Variants in PLXNA1 observed in about 807,000 individuals in gnomAD.
PLXNA1 encodes plexin A1.
Under a neutral mutation model 191.7 loss-of-function variants are expected in PLXNA1, and 77 were observed. The ratio of observed to expected loss-of-function variants is 0.40; its 90% CI spans 0.33 to 0.49. The LOEUF (loss-of-function observed/expected upper bound fraction) is 0.49, where lower values mean the gene tolerates loss of function less well. PLXNA1 is among the 20% of genes least tolerant of loss of function. PLXNA1 has a pLI of 0.63. For synonymous variants in PLXNA1, 1,137 were observed against 1,156.4 expected, an observed-to-expected ratio of 0.98 and a Z score of 0.34; for missense variants, 2,110 against 2,660.2, an observed-to-expected ratio of 0.79 and a Z score of 4.55.
At position 127,030,954 on chromosome 3, in the gene PLXNA1, A is replaced by G. The variant is rs147232712; in HGVS notation, c.5231+542A>G. 6.1e-4 allele frequency among the ~76,000 whole-genome samples: 93 copies of G among 152,266 alleles called. No individual in the cohort carries two copies. The East Asian group carries it at 0.018, about 29-fold the overall frequency. On this transcript the variant is annotated intron_variant, in intron 29 of 31. Transcript: ENST00000393409. ...CCCAGCCTGCACCGTGCACAGCTAC[A>G]CCAATGTGAGCTGGGGCTCTATGAG...
At chr3:127,013,931 G>A in intron 10 of PLXNA1, 89 bp from the exon 11 acceptor site, 2 of 1,186,040 alleles carry the variant, frequency 1.7e-6, no homozygotes, top group South Asian at 2.4e-5. Context: ...TTCCCCCTAA[G>A]CTGGCGCCCT....
intron 3 of PLXNA1, 117 bp from the exon 4 acceptor site, chr3:127,003,213 C>T: frequency 1.7e-6 from 2 of 1,186,508 alleles, no homozygotes; most frequent in East Asian, 2.6e-5. Context: ...GTCCTCTCTG[C>T]TCATGCATGT....
chr3:127,014,954 TG>T, intron 14 of PLXNA1, 123 bp downstream of exon 14: 1 of 1,456,986 alleles, frequency 6.9e-7, no homozygotes. Flanking sequence ...TTCCACGGCC[TG>T]GGTGCTGCCC....
chr3:127,027,196 T>C, intron 23 of PLXNA1: 1 of 192,540 alleles, frequency 5.2e-6, no homozygotes, highest in Non-Finnish European at 1.1e-5. Flanking sequence ...AATTTCTGGT[T>C]GTAGAGGCAG....
chr3:127,029,622 C>G, intron 27 of PLXNA1, 86 bp downstream of exon 27: 2 of 1,425,806 alleles, frequency 1.4e-6, no homozygotes, highest in South Asian at 2.3e-5. Context: ...GCTGCAGCAG[C>G]CGGACGGGAG....
At chr3:126,988,452 C>T (rs2078971802) in intron 1 of PLXNA1, 69 bp from the exon 2 acceptor site, 1 of 801,088 alleles carries the variant, frequency 1.2e-6, no homozygotes, top group Non-Finnish European at 1.9e-6. Flanking sequence ...AGGGCTCACA[C>T]TGGGAGATCA....
At chr3:127,015,144 G>T in intron 14 of PLXNA1, 40 bp from the exon 15 acceptor site, 2 of 1,587,442 alleles carry the variant, frequency 1.3e-6, no homozygotes, top group South Asian at 1.1e-5. Context: ...GCCCGAGGGG[G>T]ACTTTCCTGA....
intron 17 of PLXNA1, 129 bp downstream of exon 17, chr3:127,017,166 T>A: frequency 9.7e-7 from 1 of 1,034,400 alleles, no homozygotes; most frequent in Non-Finnish European, 1.4e-6. Flanking sequence ...CAACCTTGGC[T>A]GTGCCTGGAG....
chr3:126,991,390 C>G lies in PLXNA1; in HGVS notation c.1201C>G (p.Gln401Glu). 6.2e-7 allele frequency: 1 copy of G among 1,612,650 alleles called. No individual in the cohort carries two copies. Among genetic ancestry groups the G allele is most frequent in the Non-Finnish European group, 8.5e-7 (1 of 1,179,840 alleles). ...KELGCINSPLQIDDDFCGQDF... is the reference protein window; with the variant it reads ...KELGCINSPLEIDDDFCGQDF... ...ACCCTGCCCCTTCCCACAGCCCCTG[C>G]AGATCGATGACGACTTCTGCGGGCA... The change falls in exon 3 of 32, where the codon CAG becomes GAG. Residue 401 changes from glutamine (Q) to glutamate (E), a missense_variant. By Grantham distance (29) the Gln-to-Glu change is conservative. This residue lies in a region of PLXNA1 where 903 missense variants were observed against 1,015.7 expected (regional missense o/e 0.89). Transcript: ENST00000393409.
intron 23 of PLXNA1, chr3:127,026,979 C>G (rs2079179492): frequency 6.5e-6 from 1 of 154,446 alleles, no homozygotes; most frequent in African/African-American, 2.4e-5. Context: ...TCAGCCAGTG[C>G]TAGCAGTAGG....
intron 9 of PLXNA1, among the ~76,000 whole-genome samples, chr3:127,009,607 G>C (rs367785993): frequency 7.4e-6 from 1 of 135,186 alleles, no homozygotes; most frequent in African/African-American, 2.8e-5. Flanking sequence ...TGGGTTCCTC[G>C]GGCCACCCCC....
intron 20 of PLXNA1, among the ~76,000 whole-genome samples, chr3:127,018,775 T>C (rs551138997): frequency 6.6e-6 from 1 of 152,330 alleles, no homozygotes; most frequent in Admixed American, 6.5e-5. Flanking sequence ...CCAGACTGTT[T>C]GCATTTGTAT....
In PLXNA1 at chr3:127,032,622, G is replaced by A. The variant is rs368747801; in HGVS notation, c.5444+23G>A. The A allele has an allele frequency of 9.6e-5, 155 of 1,610,298 alleles. 1 individual carries two copies. Among genetic ancestry groups the A allele is most frequent in the East Asian group, 3.8e-4 (17 of 44,818 alleles). ...GAGGTAGGTGGAGGGTGCAGGGGTC[G>A]GGGGCAGGGGCCCGGGGGCAGCCTG... On this transcript the variant is annotated intron_variant, in intron 30 of 31. Coordinates refer to ENST00000393409, the MANE Select transcript of PLXNA1 (RefSeq NM_032242.4).
intron 17 of PLXNA1, 118 bp downstream of exon 17, chr3:127,017,155 C>T: frequency 9.4e-7 from 1 of 1,067,258 alleles, no homozygotes; most frequent in Non-Finnish European, 1.4e-6. Flanking sequence ...CCAGCTTATG[C>T]CAACCTTGGC....
intron 14 of PLXNA1, 31 bp from the exon 15 acceptor site, chr3:127,015,153 G>A (rs764592016): frequency 2.5e-6 from 4 of 1,593,638 alleles, no homozygotes; most frequent in Middle Eastern, 3.3e-4. Flanking sequence ...GGACTTTCCT[G>A]AGAGTTTCAG....
chr3:126,989,984 C>T (rs1429848587), intron 2 of PLXNA1, among the ~76,000 whole-genome samples, 197 bp downstream of exon 2: 1 of 152,242 alleles, frequency 6.6e-6, no homozygotes, highest in East Asian at 1.9e-4. Flanking sequence ...GGTGCTAGCC[C>T]CAAAGGCTGC....
intron 25 of PLXNA1, 144 bp from the exon 26 acceptor site, chr3:127,028,849 G>A (rs1479756692): frequency 1.6e-6 from 1 of 627,748 alleles, no homozygotes; most frequent in African/African-American, 1.8e-5. Flanking sequence ...GGCAGGTTAA[G>A]TGTGCTGCAG....
rs574438166 is a variant in PLXNA1, at chr3:126,988,609, C to T, written c.16C>T (p.Arg6Trp). The change falls in exon 2 of 32, where the codon CGG (arginine) becomes TGG (tryptophan). Residue 6 changes from arginine to tryptophan, a missense_variant. Arg to Trp is a moderately radical substitution (Grantham distance 101). Transcript: ENST00000393409. MPLPP[R>W]SLQVLLLLLL... ...CCAGCCTGCCATGCCGCTGCCACCG[C>T]GGAGCCTGCAGGTGCTCCTGCTGCT... 417 of 1,541,526 alleles carry T rather than the reference C, an allele frequency of 2.7e-4. No homozygotes were observed. In the African/African-American group the frequency reaches 4.4e-3, roughly 16 times the overall value.
At chr3:127,032,169 C>T (rs1283617771) in intron 29 of PLXNA1, among the ~76,000 whole-genome samples, 2 of 152,242 alleles carry the variant, frequency 1.3e-5, no homozygotes, top group African/African-American at 2.4e-5. Context: ...TCTCATGATG[C>T]TCTGCGTGAG....
Sources: allele counts gnomAD v4.1 joint callset (sites outside exome capture counted in the v4.1 genomes callset), GRCh38; gene constraint gnomAD v4.1.1; regional missense constraint gnomAD v4.1.1; transcripts MANE v1.5; gene names NCBI Gene and HGNC (gene_info 2026-07-23, HGNC 2026-07-21).